The following CCSAP variants were observed in gnomAD, a reference collection of about 807,000 sequenced individuals.
The protein encoded by CCSAP is centriole, cilia and spindle-associated protein.
In CCSAP, 17 loss-of-function variants were observed where a neutral mutation model predicts 25.9. That is an observed-to-expected ratio of 0.66 (90% CI 0.45 to 0.99). CCSAP has a LOEUF of 0.99. Among genes scored for constraint, CCSAP ranks in the 50% least tolerant of loss-of-function variants. The pLI, the probability that CCSAP is intolerant of heterozygous loss-of-function variation, is 0.00. For synonymous variants in CCSAP, 169 were observed against 157.1 expected, an observed-to-expected ratio of 1.08 and a Z score of -0.57; for missense variants, 339 against 367.8, an observed-to-expected ratio of 0.92 and a Z score of 0.64.
chr1:229,328,791 G>A (rs1658003811), intron 2 of CCSAP, among the ~76,000 whole-genome samples: 1 of 152,192 alleles, frequency 6.6e-6, no homozygotes, highest in South Asian at 2.1e-4. Flanking sequence ...ACCTTTATAG[G>A]TCATCTGCCA....
At chr1:229,328,257 T>G (rs1460827241) in intron 2 of CCSAP, among the ~76,000 whole-genome samples, 2 of 152,146 alleles carry the variant, frequency 1.3e-5, no homozygotes, top group Admixed American at 1.3e-4. Flanking sequence ...GGAGACCCTT[T>G]GTTTCAGATG....
intron 2 of CCSAP, among the ~76,000 whole-genome samples, chr1:229,329,140 G>A (rs1338536473): frequency 6.6e-6 from 1 of 152,232 alleles, no homozygotes; most frequent in African/African-American, 2.4e-5. Context: ...AACCTGTGCA[G>A]TGGCACAGTG....
chr1:229,342,214 G>C lies in CCSAP; in HGVS notation c.252C>G (p.Pro84=), dbSNP rs1164736472. The change falls in exon 2 of 4, where the codon CCC becomes CCG. Residue 84 remains proline, a synonymous_variant. Coordinates refer to ENST00000284617, the MANE Select transcript of CCSAP (RefSeq NM_145257.5). This position sits in a 1 kb window ranked among gnomAD's most constrained non-coding sequence, Gnocchi z 7.5. ...PRCAPPSPPP[P]VEPATQEEAE... Reference sequence around the variant, plus strand: ...CCTCCTCCTGGGTCGCCGGCTCTACGGGCGGCGGGGGCGAGGGCGGGGCGC... The same window carrying C: ...CCTCCTCCTGGGTCGCCGGCTCTACCGGCGGCGGGGGCGAGGGCGGGGCGC... 1 of 1,251,588 alleles carries C rather than the reference G, an allele frequency of 8.0e-7. No homozygotes were observed. Among genetic ancestry groups the C allele is most frequent in the Non-Finnish European group, 1.0e-6 (1 of 1,000,154 alleles). 77.5% of individuals were successfully genotyped at this position (1,251,588 alleles called of 1,614,324 possible).
chr1:229,335,415 T>G (rs1012119765), intron 2 of CCSAP, among the ~76,000 whole-genome samples: 5 of 152,186 alleles, frequency 3.3e-5, no homozygotes, highest in Non-Finnish European at 7.3e-5. Context: ...TCAGCATCAA[T>G]CAGCACCCCA....
Position 229,321,118 on chromosome 1 carries a change from G to A in CCSAP, c.*4117C>T, listed in dbSNP as rs1282851117. 2 of 152,174 alleles carry A rather than the reference G, an allele frequency of 1.3e-5. No individual in the cohort carries two copies. Among genetic ancestry groups the A allele is most frequent in the Non-Finnish European group, 2.9e-5 (2 of 68,034 alleles). 9.4% of individuals were successfully genotyped at this position (152,174 alleles called of 1,614,324 possible). A position where few individuals can be genotyped will look rare whatever the true frequency, so the allele number is the denominator to read the frequency against. ...AGAAAATACAACCCCGAATTATTGTGTGGCCTGGGCTTTGTGATTATGTGC... is the reference window on the plus strand; with the variant it reads ...AGAAAATACAACCCCGAATTATTGTATGGCCTGGGCTTTGTGATTATGTGC... On this transcript the variant is annotated 3_prime_UTR_variant, in exon 4 of 4. Transcript: ENST00000284617.
At chr1:229,331,825 T>TATC (rs1161378313) in intron 2 of CCSAP, among the ~76,000 whole-genome samples, 1 of 139,016 alleles carries the variant, frequency 7.2e-6, no homozygotes, top group African/African-American at 2.7e-5. Flanking sequence ...TTATTATTAT[T>TATC]ATTATTTTGA....
chr1:229,327,826 G>A (rs556832197), intron 2 of CCSAP, among the ~76,000 whole-genome samples: 3 of 145,050 alleles, frequency 2.1e-5, no homozygotes, highest in East Asian at 4.1e-4. Flanking sequence ...CCCAGATTGC[G>A]CCACTGCACT....
chr1:229,329,285 T>C (rs1447690059), intron 2 of CCSAP, among the ~76,000 whole-genome samples: 1 of 152,190 alleles, frequency 6.6e-6, no homozygotes, highest in Non-Finnish European at 1.5e-5. Context: ...AAGGATTTCA[T>C]TGATAGGACA....
intron 2 of CCSAP, chr1:229,340,542 C>T: frequency 1.5e-6 from 1 of 676,916 alleles, no homozygotes. Context: ...TAAAGTACAT[C>T]TCAATTTAGC....
chr1:229,322,223 C>G lies in CCSAP; in HGVS notation c.*3012G>C, dbSNP rs564298113. On this transcript the variant is annotated 3_prime_UTR_variant, in exon 4 of 4. Transcript: ENST00000284617. Reference sequence around the variant, plus strand: ...GACCCTACAGATTTTTTTTAACTTACGAATTGTGCAGAATTATCTTCTGGA... The same window carrying G: ...GACCCTACAGATTTTTTTTAACTTAGGAATTGTGCAGAATTATCTTCTGGA... The G allele has an allele frequency of 6.6e-6, 1 of 152,058 alleles. No individual in the cohort carries two copies. The highest frequency in any genetic ancestry group is 1.5e-5 in the Non-Finnish European group (1 of 68,020). The allele number at this position is 152,058 out of a possible 1,614,324, so 9.4% of individuals were successfully genotyped here. A position where few individuals can be genotyped will look rare whatever the true frequency, so the allele number is the denominator to read the frequency against.
In CCSAP at chr1:229,342,336, G is replaced by A; in HGVS notation, c.130C>T (p.His44Tyr). ...CAGTCGTCCCAGAGCCAGGGCGCGT[G>A]CGCCTGCTCCAGCAGCCGGCGGCCT... ...RLGRRLLEQA[H>Y]APWLWDDWGP... The change falls in exon 2 of 4, where the codon CAC becomes TAC. Residue 44 changes from histidine to tyrosine, a missense_variant. His to Tyr is a moderately conservative substitution (Grantham distance 83). Transcript: ENST00000284617. This position sits in a 1 kb window ranked among gnomAD's most constrained non-coding sequence, Gnocchi z 7.5. 6.7e-7 allele frequency: 1 copy of A among 1,502,636 alleles called. No individual in the cohort carries two copies. The highest frequency in any genetic ancestry group is 8.9e-7 in the Non-Finnish European group (1 of 1,127,654). The allele number at this position is 1,502,636 out of a possible 1,614,324, so 93.1% of individuals were successfully genotyped here. A position where few individuals can be genotyped will look rare whatever the true frequency, so the allele number is the denominator to read the frequency against.
chr1:229,325,655 C>G (rs1441265356), intron 3 of CCSAP, among the ~76,000 whole-genome samples: 1 of 152,174 alleles, frequency 6.6e-6, no homozygotes, highest in East Asian at 1.9e-4. Context: ...AAATGTTAGA[C>G]AGAAATGGTA....
chr1:229,339,256 G>T (rs1057198096), intron 2 of CCSAP, among the ~76,000 whole-genome samples: 1 of 151,898 alleles, frequency 6.6e-6, no homozygotes, highest in African/African-American at 2.4e-5. Context: ...AGAGAAGACC[G>T]TGAAAGCTTC....
rs750237586 is a variant in CCSAP, at chr1:229,327,026, G to T, written c.368-20C>A. On this transcript the variant is annotated intron_variant, in intron 2 of 3. Transcript: ENST00000284617. ...GCAGTGCTTTTGAAAAGAGATAAAT[G>T]AGATGAAAATACTTTGAAATCAGAT... The T allele has an allele frequency of 5.7e-6, 9 of 1,571,906 alleles. No homozygotes were observed. Among genetic ancestry groups the T allele is most frequent in the Middle Eastern group, 1.7e-4 (1 of 5,868 alleles).
chr1:229,337,688 T>TATAC (rs2102698414), intron 2 of CCSAP, among the ~76,000 whole-genome samples: 1 of 47,482 alleles, frequency 2.1e-5, no homozygotes, highest in East Asian at 4.1e-4. Flanking sequence ...AATATATATA[T>TATAC]ATATATATAT....
At chr1:229,328,166 T>C (rs1026144839) in intron 2 of CCSAP, among the ~76,000 whole-genome samples, 1 of 152,248 alleles carries the variant, frequency 6.6e-6, no homozygotes. Context: ...CTGTGTTTGC[T>C]TCCACCTATG....
At position 229,327,867 on chromosome 1, in the gene CCSAP, C is replaced by CAAA. The variant is rs765651478; in HGVS notation, c.368-864_368-862dup. Among the ~76,000 whole-genome samples, 5 of 91,792 alleles carry CAAA rather than the reference C, an allele frequency of 5.4e-5. No homozygotes were observed. In the South Asian group the frequency reaches 1.6e-3, roughly 29 times the overall value. The allele number at this position is 91,792 out of a possible 152,430, so 60.2% of individuals were successfully genotyped here. On this transcript the variant is annotated intron_variant, in intron 2 of 3. Coordinates refer to ENST00000284617, the MANE Select transcript of CCSAP (RefSeq NM_145257.5). ...CTGGTGACAGAGAAAGACTCCGTCTCAAAAAAAAAAAAAAAAAAAAGAGGG... is the reference window on the plus strand; with the variant it reads ...CTGGTGACAGAGAAAGACTCCGTCTCAAAAAAAAAAAAAAAAAAAAAAAGAGGG...
Position 229,321,326 on chromosome 1 carries a change from G to A in CCSAP, c.*3909C>T, listed in dbSNP as rs1281924700. On this transcript the variant is annotated 3_prime_UTR_variant, in exon 4 of 4. Coordinates refer to ENST00000284617, the MANE Select transcript of CCSAP (RefSeq NM_145257.5). ...TGGAAATAATATTAAAAGAGCAATC[G>A]ATTTTTTTCCATCTCACACTAGTAG... 6.6e-6 allele frequency: 1 copy of A among 152,132 alleles called. No individual in the cohort carries two copies. Among genetic ancestry groups the A allele is most frequent in the African/African-American group, 2.4e-5 (1 of 41,430 alleles). 9.4% of individuals were successfully genotyped at this position (152,132 alleles called of 1,614,324 possible).
Position 229,321,217 on chromosome 1 carries a change from T to G in CCSAP, c.*4018A>C, listed in dbSNP as rs894996659. 3 of 152,188 alleles carry G rather than the reference T, an allele frequency of 2.0e-5. No homozygotes were observed. Among genetic ancestry groups the G allele is most frequent in the Non-Finnish European group, 4.4e-5 (3 of 68,020 alleles). 9.4% of individuals were successfully genotyped at this position (152,188 alleles called of 1,614,324 possible). ...AAACTTACGATAGCACAGGGAAACC[T>G]TCCCTAAATAAAGTTTTGTTATTAG... On this transcript the variant is annotated 3_prime_UTR_variant, in exon 4 of 4. Coordinates refer to ENST00000284617, the MANE Select transcript of CCSAP (RefSeq NM_145257.5).
Sources: gnomAD v4.1 joint callset for allele counts (sites outside exome capture counted in the v4.1 genomes callset) on GRCh38, gnomAD v4.1.1 for gene constraint, Gnocchi (gnomAD v3.1) non-coding constraint, MANE v1.5 for transcripts, NCBI Gene and HGNC (gene_info 2026-07-23, HGNC 2026-07-21) for gene names.